The following HPSE2 variants were observed in gnomAD, a reference collection of about 807,000 sequenced individuals.
HPSE2 encodes the protein heparanase 2 (inactive).
In HPSE2, 38 loss-of-function variants were observed where a neutral mutation model predicts 60.5. The ratio of observed to expected loss-of-function variants is 0.63; its 90% CI spans 0.48 to 0.82. The LOEUF (loss-of-function observed/expected upper bound fraction) is 0.82. HPSE2 is among the 40% of genes least tolerant of loss of function. The pLI is 0.00. For missense variants in HPSE2, 713 were observed against 740.4 expected (o/e 0.96, Z 0.43); for synonymous variants, 295 against 293.2 (o/e 1.01, Z -0.06).
chr10:99,186,575 A>AAAAAAT, intron 2 of HPSE2, among the ~76,000 whole-genome samples: 1 of 131,914 alleles, frequency 7.6e-6, no homozygotes, highest in Non-Finnish European at 1.6e-5. Flanking sequence ...AAAAAAAAAG[A>AAAAAAT]TTTACAGCAG....
intron 6 of HPSE2, among the ~76,000 whole-genome samples, chr10:98,681,344 T>A (rs933780970): frequency 6.6e-6 from 1 of 152,150 alleles, no homozygotes; most frequent in African/African-American, 2.4e-5. Flanking sequence ...GAATGTGATT[T>A]AAAAAAATAT....
chr10:99,133,234 C>A (rs1383531716), intron 3 of HPSE2, among the ~76,000 whole-genome samples: 1 of 152,204 alleles, frequency 6.6e-6, no homozygotes, highest in Non-Finnish European at 1.5e-5. Flanking sequence ...GGCAGCAGCC[C>A]CAGTCAGGGA....
intron 3 of HPSE2, among the ~76,000 whole-genome samples, chr10:98,788,841 G>A (rs1950593099): frequency 6.6e-6 from 1 of 151,134 alleles, no homozygotes; most frequent in South Asian, 2.1e-4. Context: ...TGCACCCACT[G>A]TCTGGCACTC....
chr10:98,718,578 A>G (rs1302910442), intron 5 of HPSE2, among the ~76,000 whole-genome samples: 2 of 152,326 alleles, frequency 1.3e-5, no homozygotes, highest in Admixed American at 1.3e-4. Context: ...AAAATGTAGT[A>G]TATATACACA....
chr10:98,663,214 T>C (rs1221465935), intron 6 of HPSE2, among the ~76,000 whole-genome samples: 1 of 152,174 alleles, frequency 6.6e-6, no homozygotes, highest in Admixed American at 6.5e-5. Flanking sequence ...ACCAAGTATC[T>C]GCTATGTACC....
intron 6 of HPSE2, among the ~76,000 whole-genome samples, chr10:98,675,591 G>C (rs1158781938): frequency 1.4e-5 from 2 of 146,256 alleles, no homozygotes; most frequent in Non-Finnish European, 3.0e-5. Context: ...AACCAGCCAT[G>C]GTGGCACACA....
chr10:98,780,502 T>C (rs1418348300), intron 3 of HPSE2, among the ~76,000 whole-genome samples: 2 of 152,150 alleles, frequency 1.3e-5, no homozygotes, highest in Non-Finnish European at 2.9e-5. Flanking sequence ...TAAAACATCT[T>C]TTAAGGACAA....
intron 4 of HPSE2, among the ~76,000 whole-genome samples, chr10:98,733,539 C>T (rs1949279212): frequency 6.6e-6 from 1 of 152,106 alleles, no homozygotes; most frequent in East Asian, 1.9e-4. Context: ...ATTAGATTTC[C>T]CAAGTTCCTG....
chr10:98,913,496 T>C (rs886596819), intron 3 of HPSE2, among the ~76,000 whole-genome samples: 4 of 152,188 alleles, frequency 2.6e-5, no homozygotes, highest in African/African-American at 7.2e-5. Context: ...TACTGCACAA[T>C]GGAGGTGAAG....
chr10:98,481,624 A>G (rs1039337553), intron 11 of HPSE2, among the ~76,000 whole-genome samples: 2 of 152,188 alleles, frequency 1.3e-5, no homozygotes, highest in African/African-American at 4.8e-5. Context: ...TAAATAAGTC[A>G]CTCAATAAGT....
intron 7 of HPSE2, among the ~76,000 whole-genome samples, chr10:98,625,201 G>A (rs1049850259): frequency 1.3e-5 from 2 of 152,180 alleles, no homozygotes; most frequent in African/African-American, 2.4e-5. Context: ...GATAAAGGGC[G>A]ACTAAAACCT....
chr10:99,083,300 A>G (rs1280739269), intron 3 of HPSE2, among the ~76,000 whole-genome samples: 13 of 152,230 alleles, frequency 8.5e-5, no homozygotes, highest in Non-Finnish European at 1.9e-4. Flanking sequence ...AGAGATATGG[A>G]TTCTCCTACT....
chr10:99,176,544 GA>G (rs1847533225), intron 2 of HPSE2, among the ~76,000 whole-genome samples: 1 of 151,914 alleles, frequency 6.6e-6, no homozygotes, highest in Admixed American at 6.6e-5. Context: ...GCAACTTAAT[GA>G]AATAAAGTGT....
intron 3 of HPSE2, among the ~76,000 whole-genome samples, chr10:98,910,133 T>C (rs1353203709): frequency 1.3e-5 from 2 of 152,222 alleles, no homozygotes; most frequent in Non-Finnish European, 2.9e-5. Context: ...ATGGTGCTAC[T>C]GGGAAGGGCA....
chr10:99,278,480 A>G, the HPSE2 span, among the ~76,000 whole-genome samples: 4 of 152,258 alleles, frequency 2.6e-5, no homozygotes, highest in Admixed American at 2.6e-4. Flanking sequence ...ATCATACCTA[A>G]TTTCTATACA....
At chr10:98,523,154 C>T (rs1942854748) in intron 9 of HPSE2, among the ~76,000 whole-genome samples, 1 of 152,162 alleles carries the variant, frequency 6.6e-6, no homozygotes, top group African/African-American at 2.4e-5. Context: ...CTTGTCCTTA[C>T]TATTCAGAAG....
chr10:98,645,189 G>C (rs1331814981), intron 6 of HPSE2, among the ~76,000 whole-genome samples: 4 of 152,174 alleles, frequency 2.6e-5, no homozygotes, highest in Non-Finnish European at 4.4e-5. Context: ...AATTTGTTTA[G>C]AGAGATGAAA....
intron 3 of HPSE2, among the ~76,000 whole-genome samples, chr10:98,895,346 A>T (rs1026655440): frequency 6.6e-6 from 1 of 152,218 alleles, no homozygotes; most frequent in Non-Finnish European, 1.5e-5. Context: ...CCTAAGATAT[A>T]GTTAGCCAGA....
intron 3 of HPSE2, among the ~76,000 whole-genome samples, chr10:99,118,797 A>C (rs1844818166): frequency 6.6e-6 from 1 of 151,968 alleles, no homozygotes; most frequent in African/African-American, 2.4e-5. Flanking sequence ...TGGTCAGACC[A>C]CTTGAGGTCA....
Sources: gnomAD v4.1 joint callset for allele counts (sites outside exome capture counted in the v4.1 genomes callset) on GRCh38, gnomAD v4.1.1 for gene constraint, MANE v1.5 for transcripts, NCBI Gene and HGNC (gene_info 2026-07-23, HGNC 2026-07-21) for gene names.